Variants in RFPL1 observed in about 807,000 individuals in gnomAD.
RFPL1 encodes the protein ret finger protein-like 1.
A neutral mutation model predicts 9.6 loss-of-function variants in RFPL1; 6 were observed. The ratio of observed to expected loss-of-function variants is 0.62; its 90% CI spans 0.34 to 1.23. The LOEUF (loss-of-function observed/expected upper bound fraction) is 1.23, where lower values mean the gene tolerates loss of function less well. Among genes scored for constraint, RFPL1 ranks in the 50% most tolerant of loss-of-function variants. The probability of loss-of-function intolerance (pLI) is 0.03; values close to 1 mark genes in which losing one functional copy is unlikely to be tolerated. For missense variants in RFPL1, 352 were observed against 398.4 expected, an observed-to-expected ratio of 0.88 and a Z score of 0.99; for synonymous variants, 145 against 149.4, an observed-to-expected ratio of 0.97 and a Z score of 0.22.
chr22:29,414,293 G>C, the RFPL1 span, among the ~76,000 whole-genome samples: 1 of 151,878 alleles, frequency 6.6e-6, no homozygotes, highest in Non-Finnish European at 1.5e-5. Flanking sequence ...CTGTGGACTA[G>C]ATTTTCTAAG....
chr22:29,438,907 G>A lies in RFPL1; in HGVS notation c.116G>A (p.Ser39Asn), dbSNP rs552285815. 5.0e-6 allele frequency: 8 copies of A among 1,614,002 alleles called. No homozygotes were observed. In the South Asian group the frequency reaches 7.7e-5, roughly 16 times the overall value. ...GCTGCACTCTTCCAAGAAGCAAGCAGCTGTCCCGTCTGCTCAGACTATCTA... is the reference window on the plus strand; with the variant it reads ...GCTGCACTCTTCCAAGAAGCAAGCAACTGTCCCGTCTGCTCAGACTATCTA... The change falls in exon 1 of 2, where the codon AGC becomes AAC. Residue 39 changes from serine to asparagine, a missense_variant. Ser to Asn is a conservative substitution (Grantham distance 46). Coordinates refer to ENST00000354373, the Ensembl canonical transcript of RFPL1.
the RFPL1 span, among the ~76,000 whole-genome samples, chr22:29,416,512 A>T: frequency 6.6e-6 from 1 of 152,208 alleles, no homozygotes; most frequent in Admixed American, 6.5e-5. Context: ...ATGAGACAAC[A>T]TACTTAGGTA....
the RFPL1 span, among the ~76,000 whole-genome samples, chr22:29,413,541 A>G: frequency 6.6e-6 from 1 of 152,164 alleles, no homozygotes; most frequent in Non-Finnish European, 1.5e-5. Context: ...TAGTTTTTAG[A>G]CCAAAGAAAG....
intron 1 of RFPL1, chr22:29,439,705 C>G (rs1363049161): frequency 6.5e-6 from 1 of 153,318 alleles, no homozygotes; most frequent in Non-Finnish European, 1.5e-5. Context: ...CTCAGATTAC[C>G]TGGGGATCTT....
At chr22:29,421,632 G>T in the RFPL1 span, among the ~76,000 whole-genome samples, 3 of 151,142 alleles carry the variant, frequency 2.0e-5, no homozygotes, top group Admixed American at 2.0e-4. Flanking sequence ...ACCACCTGGG[G>T]CGCCACTGTG....
chr22:29,412,557 T>A, the RFPL1 span, among the ~76,000 whole-genome samples: 1 of 151,946 alleles, frequency 6.6e-6, no homozygotes, highest in African/African-American at 2.4e-5. Flanking sequence ...AAACTTGGGG[T>A]CTTCCCACAG....
chr22:29,394,735 C>A, the RFPL1 span, among the ~76,000 whole-genome samples: 1 of 152,214 alleles, frequency 6.6e-6, no homozygotes, highest in Non-Finnish European at 1.5e-5. Context: ...TCCATCAATT[C>A]ATTTAACTCT....
At chr22:29,410,573 G>T in the RFPL1 span, among the ~76,000 whole-genome samples, 1 of 43,518 alleles carries the variant, frequency 2.3e-5, no homozygotes, top group Non-Finnish European at 4.0e-5. Context: ...TATATATATT[G>T]TAGATATATC....
the RFPL1 span, among the ~76,000 whole-genome samples, chr22:29,391,478 C>T: frequency 6.6e-6 from 1 of 152,162 alleles, no homozygotes; most frequent in Non-Finnish European, 1.5e-5. Flanking sequence ...AACAAAATTT[C>T]ATTGGGAATG....
intron 1 of RFPL1, chr22:29,439,623 G>T: frequency 6.8e-6 from 1 of 146,302 alleles, no homozygotes; most frequent in Admixed American, 6.4e-5. Flanking sequence ...GACAGAGTGA[G>T]ACTCCGTCTC....
rs750833116 is a variant in RFPL1 at position 29,442,081 on chromosome 22, G to A, written c.913G>A (p.Gly305Ser). 6 of 1,597,876 alleles carry A rather than the reference G, an allele frequency of 3.8e-6. No individual in the cohort carries two copies. The African/African-American group carries it at 6.7e-5, about 18-fold the overall frequency. The change falls in exon 2 of 2, where the codon GGC becomes AGC. Residue 305 changes from glycine to serine, a missense_variant. Coordinates refer to ENST00000354373, the Ensembl canonical transcript of RFPL1. ...GAGTATCTGTCCTGTGATAAACCCG[G>A]GCACTACTGATGCTCCAGTCCATCC...
chr22:29,415,333 G>A, the RFPL1 span, among the ~76,000 whole-genome samples: 1 of 152,256 alleles, frequency 6.6e-6, no homozygotes, highest in African/African-American at 2.4e-5. Flanking sequence ...GAGTGGGCAA[G>A]TTCCCAAGAC....
the RFPL1 span, among the ~76,000 whole-genome samples, chr22:29,391,017 C>CTG: frequency 2.0e-5 from 3 of 151,644 alleles, no homozygotes; most frequent in African/African-American, 7.3e-5. Flanking sequence ...TGGTGGGTGC[C>CTG]TGTAGTCCCA....
At chr22:29,439,393 G>A (rs2062826596) in intron 1 of RFPL1, 1 of 623,252 alleles carries the variant, frequency 1.6e-6, no homozygotes, top group African/African-American at 1.8e-5. Flanking sequence ...CAGCACTTTG[G>A]GAGGCCGAGG....
At chr22:29,437,794 G>A, upstream of RFPL1, 2 of 1,476,156 alleles carry the variant, frequency 1.4e-6, no homozygotes, top group East Asian at 5.0e-5. Flanking sequence ...GTTATGCCTT[G>A]GGGGATGAAT....
intron 1 of RFPL1, chr22:29,439,858 CT>C (rs1171098140): frequency 6.6e-6 from 1 of 152,380 alleles, no homozygotes; most frequent in Non-Finnish European, 1.5e-5. Flanking sequence ...TTAAATGGGC[CT>C]GGTAATTCTA....
chr22:29,392,037 G>A, the RFPL1 span, among the ~76,000 whole-genome samples: 1 of 152,160 alleles, frequency 6.6e-6, no homozygotes, highest in South Asian at 2.1e-4. Flanking sequence ...TGGGTTGGAG[G>A]GACCAGGGAT....
chr22:29,436,152 G>A (rs2062807567), upstream of RFPL1, among the ~76,000 whole-genome samples: 2 of 152,012 alleles, frequency 1.3e-5, no homozygotes, highest in African/African-American at 4.8e-5. Context: ...AGGGGGAGGG[G>A]AGCTTGGGGA....
chr22:29,402,587 G>A, the RFPL1 span, among the ~76,000 whole-genome samples: 1 of 152,042 alleles, frequency 6.6e-6, no homozygotes, highest in South Asian at 2.1e-4. Context: ...GGCTCTAGGA[G>A]TTGCTATGGT....
Sources: allele counts gnomAD v4.1 joint callset (sites outside exome capture counted in the v4.1 genomes callset), GRCh38; gene constraint gnomAD v4.1.1; transcripts MANE v1.5; gene names NCBI Gene and HGNC (gene_info 2026-07-23, HGNC 2026-07-21).